ARHGAP32: variants seen among roughly 807,000 people sequenced by gnomAD.
ARHGAP32 encodes Rho GTPase activating protein 32.
ARHGAP32 carries 51 observed loss-of-function variants against 186.5 expected under a neutral mutation model. The ratio of observed to expected loss-of-function variants is 0.27; its 90% CI spans 0.22 to 0.35. The LOEUF (loss-of-function observed/expected upper bound fraction) is 0.35, where lower values mean the gene tolerates loss of function less well. ARHGAP32 is among the 10% of genes least tolerant of loss of function. ARHGAP32 has a pLI of 1.00. For synonymous variants in ARHGAP32, 950 were observed against 964.3 expected, an observed-to-expected ratio of 0.99 and a Z score of 0.27; for missense variants, 2,186 against 2,623.5, an observed-to-expected ratio of 0.83 and a Z score of 3.64.
rs760434809 is a variant in ARHGAP32, at chr11:128,974,595, G to A, written c.2602C>T (p.Pro868Ser). The change falls in exon 21 of 23, where the codon CCT becomes TCT. Residue 868 changes from proline to serine, a missense_variant. Pro to Ser is a moderately conservative substitution (Grantham distance 74, BLOSUM62 -1). Transcript: ENST00000682385. ...QTPGSTASSE[P>S]VSPLQEKLSP... Reference sequence around the variant, plus strand: ...AGTTTCTCCTGAAGAGGAGAGACAGGTTCAGAGCTTGCTGTGCTTCCTGGA... The same window carrying A: ...AGTTTCTCCTGAAGAGGAGAGACAGATTCAGAGCTTGCTGTGCTTCCTGGA... 6.2e-7 allele frequency: 1 copy of A among 1,614,192 alleles called. No homozygotes were observed. The highest frequency in any genetic ancestry group is 8.5e-7 in the Non-Finnish European group (1 of 1,180,032).
intron 1 of ARHGAP32, among the ~76,000 whole-genome samples, chr11:129,223,928 T>C (rs1002628819): frequency 6.6e-6 from 1 of 152,134 alleles, no homozygotes; most frequent in African/African-American, 2.4e-5. Flanking sequence ...TTGAAGTAAA[T>C]ATGAAGAAGC....
At chr11:129,210,698 G>A (rs978615773) in intron 1 of ARHGAP32, among the ~76,000 whole-genome samples, 2 of 152,166 alleles carry the variant, frequency 1.3e-5, no homozygotes, top group African/African-American at 4.8e-5. Context: ...TGACTTCAGA[G>A]ATTATGCAAT....
chr11:128,970,998 C>A lies in ARHGAP32; in HGVS notation c.4215G>T (p.Arg1405=), dbSNP rs1249382010. The change falls in exon 23 of 23, where the codon CGG becomes CGT. Residue 1405 remains arginine (R), a synonymous_variant. Coordinates refer to ENST00000682385, the MANE Select transcript of ARHGAP32 (RefSeq NM_001378024.1). This position sits in a 1 kb window ranked among gnomAD's most constrained non-coding sequence, Gnocchi z 5.8. ...GLPEKVRDGA[R]VPLLHLRAES... Reference sequence around the variant, plus strand: ...CGGCGCGCAGGTGCAGCAGCGGGACCCGGGCACCGTCCCGCACTTTCTCAG... The same window carrying A: ...CGGCGCGCAGGTGCAGCAGCGGGACACGGGCACCGTCCCGCACTTTCTCAG... The A allele has an allele frequency of 6.2e-7, 1 of 1,613,700 alleles. No individual in the cohort carries two copies. Among genetic ancestry groups the A allele is most frequent in the South Asian group, 1.1e-5 (1 of 91,076 alleles).
At chr11:129,177,118 C>T (rs1438179836) in intron 1 of ARHGAP32, among the ~76,000 whole-genome samples, 1 of 151,642 alleles carries the variant, frequency 6.6e-6, no homozygotes. Context: ...ACCACCGATC[C>T]CACAGAAATA....
At chr11:129,271,993 G>A (rs761916002) in intron 1 of ARHGAP32, among the ~76,000 whole-genome samples, 1 of 152,214 alleles carries the variant, frequency 6.6e-6, no homozygotes, top group African/African-American at 2.4e-5. Flanking sequence ...ACTTGGGGGA[G>A]AGAGAGGAAG....
At chr11:129,207,267 T>C (rs933114214) in intron 1 of ARHGAP32, among the ~76,000 whole-genome samples, 3 of 152,154 alleles carry the variant, frequency 2.0e-5, no homozygotes, top group Admixed American at 1.3e-4. Context: ...AATGGGATCG[T>C]TGAGTCAAAT....
intron 1 of ARHGAP32, among the ~76,000 whole-genome samples, chr11:129,256,585 T>C (rs1014060906): frequency 4.6e-5 from 7 of 152,102 alleles, no homozygotes; most frequent in South Asian, 2.1e-4. Context: ...ATCCATCCAA[T>C]TGGATATCCA....
chr11:129,168,121 C>T (rs1943676167), intron 1 of ARHGAP32, among the ~76,000 whole-genome samples: 1 of 152,098 alleles, frequency 6.6e-6, no homozygotes, highest in South Asian at 2.1e-4. Context: ...TGGTATACAC[C>T]TGTGGTCCCA....
At chr11:129,006,581 C>CA (rs1353284348) in intron 11 of ARHGAP32, among the ~76,000 whole-genome samples, 1 of 152,222 alleles carries the variant, frequency 6.6e-6, no homozygotes. Context: ...CCCAAATAAA[C>CA]AAAGTCTCTC....
intron 6 of ARHGAP32, among the ~76,000 whole-genome samples, chr11:129,074,220 TAAC>T (rs1940964797): frequency 6.6e-6 from 1 of 152,192 alleles, no homozygotes; most frequent in African/African-American, 2.4e-5. Context: ...ATACAACAGA[TAAC>T]AGTTTGTTCA....
At chr11:129,242,587 G>A (rs547668723) in intron 1 of ARHGAP32, among the ~76,000 whole-genome samples, 31 of 151,660 alleles carry the variant, frequency 2.0e-4, no homozygotes, top group South Asian at 2.1e-4. Flanking sequence ...GCGTGGTGGC[G>A]GGCGCCTGTA....
chr11:128,989,547 CACACACACAT>C (rs1037524874), intron 12 of ARHGAP32, among the ~76,000 whole-genome samples: 2 of 151,436 alleles, frequency 1.3e-5, no homozygotes, highest in African/African-American at 4.9e-5. Context: ...CACACACACA[CACACACACAT>C]ACATATATCT....
At chr11:129,157,215 G>A (rs1943428732) in intron 2 of ARHGAP32, among the ~76,000 whole-genome samples, 1 of 152,078 alleles carries the variant, frequency 6.6e-6, no homozygotes, top group South Asian at 2.1e-4. Context: ...AAGAAAACCA[G>A]ACAGAGAATG....
chr11:129,107,668 AGACCAGCCT>A lies in ARHGAP32; in HGVS notation c.445-13970_445-13962del, dbSNP rs567574095. Among the ~76,000 whole-genome samples, 743 of 152,276 alleles carry A rather than the reference AGACCAGCCT, an allele frequency of 4.9e-3. 12 individuals are homozygous for A. Among genetic ancestry groups the A allele is most frequent in the African/African-American group, 0.017 (703 of 41,572 alleles). Reference sequence around the variant, plus strand: ...CGGATCGCCTGAGGTCAGGAGTTCGAGACCAGCCTGACCAACATGGAGAAACCCCGTCTC... The same window carrying A: ...CGGATCGCCTGAGGTCAGGAGTTCGAGACCAACATGGAGAAACCCCGTCTC... On this transcript the variant is annotated intron_variant, in intron 5 of 22. Coordinates refer to ENST00000682385, the MANE Select transcript of ARHGAP32 (RefSeq NM_001378024.1).
chr11:129,030,703 T>C (rs189924116), intron 11 of ARHGAP32: 32 of 152,358 alleles, frequency 2.1e-4, no homozygotes, highest in African/African-American at 7.5e-4. Flanking sequence ...CATGGTTCTG[T>C]GAAAACTACT....
chr11:129,257,796 T>C (rs1945273603), intron 1 of ARHGAP32, among the ~76,000 whole-genome samples: 1 of 151,822 alleles, frequency 6.6e-6, no homozygotes, highest in Non-Finnish European at 1.5e-5. Flanking sequence ...GAAATCTCAG[T>C]CTACCCCTTC....
chr11:129,149,743 A>G lies in ARHGAP32; in HGVS notation c.225+14576T>C, dbSNP rs1052800253. On this transcript the variant is annotated intron_variant, in intron 2 of 22. Coordinates refer to ENST00000682385, the MANE Select transcript of ARHGAP32 (RefSeq NM_001378024.1). ...CACAACAGGATTCTACACTACCACCAAAAGATCACACCAGCTCCCTAACAA... is the reference window on the plus strand; with the variant it reads ...CACAACAGGATTCTACACTACCACCGAAAGATCACACCAGCTCCCTAACAA... Among the ~76,000 whole-genome samples the G allele has an allele frequency of 5.3e-5, 8 of 152,266 alleles. No homozygotes were observed. In the South Asian group the frequency reaches 1.7e-3, roughly 32 times the overall value.
At chr11:129,251,382 A>C (rs930609404) in intron 1 of ARHGAP32, among the ~76,000 whole-genome samples, 1 of 152,184 alleles carries the variant, frequency 6.6e-6, no homozygotes, top group Non-Finnish European at 1.5e-5. Flanking sequence ...ACTATAAAAA[A>C]CATATGGTAG....
At chr11:129,181,537 T>A (rs1944053712) in intron 1 of ARHGAP32, among the ~76,000 whole-genome samples, 1 of 152,132 alleles carries the variant, frequency 6.6e-6, no homozygotes, top group South Asian at 2.1e-4. Context: ...TATTAATAAA[T>A]TAAATTGTAA....
Sources: gnomAD v4.1 joint callset for allele counts (sites outside exome capture counted in the v4.1 genomes callset) on GRCh38, gnomAD v4.1.1 for gene constraint, Gnocchi (gnomAD v3.1) non-coding constraint, MANE v1.5 for transcripts, NCBI Gene and HGNC (gene_info 2026-07-23, HGNC 2026-07-21) for gene names.